Variants in IQCH observed in about 807,000 individuals in gnomAD.
IQCH encodes the protein IQ motif containing H.
Under a neutral mutation model 117.0 loss-of-function variants are expected in IQCH, and 98 were observed. That is an observed-to-expected ratio of 0.84 (90% CI 0.71 to 0.99). IQCH has a LOEUF of 0.99. Ranked by LOEUF, IQCH falls within the 50% of genes least tolerant of loss-of-function variation. The probability of loss-of-function intolerance (pLI) is 0.00; values close to 1 mark genes in which losing one functional copy is unlikely to be tolerated. For missense variants in IQCH, 1,102 were observed against 1,243.8 expected (o/e 0.89, Z 1.72); for synonymous variants, 412 against 448.2 (o/e 0.92, Z 1.02).
At chr15:67,255,952 A>T (rs1446990428) in intron 1 of IQCH, among the ~76,000 whole-genome samples, 1 of 152,170 alleles carries the variant, frequency 6.6e-6, no homozygotes, top group Non-Finnish European at 1.5e-5. Flanking sequence ...GCGAAGTCTG[A>T]GGGAACGGTC....
intron 6 of IQCH, among the ~76,000 whole-genome samples, chr15:67,346,948 C>T (rs1259895888): frequency 1.3e-5 from 2 of 151,892 alleles, no homozygotes; most frequent in Non-Finnish European, 2.9e-5. Context: ...GAGGAAGTCA[C>T]AAGGATATTA....
At chr15:67,330,426 A>G (rs994104212) in intron 4 of IQCH, among the ~76,000 whole-genome samples, 1 of 152,228 alleles carries the variant, frequency 6.6e-6, no homozygotes, top group Non-Finnish European at 1.5e-5. Context: ...AATCCAGTCC[A>G]GTGCTCCAAG....
intron 4 of IQCH, 93 bp from the exon 5 acceptor site, chr15:67,336,882 C>A (rs1968915003): frequency 2.4e-6 from 3 of 1,235,698 alleles, no homozygotes; most frequent in Admixed American, 4.3e-5. Context: ...AAACTTAATG[C>A]AACTATTCAT....
chr15:67,463,000 G>A lies in IQCH; in HGVS notation c.2506-2127G>A, dbSNP rs114796785. Among the ~76,000 whole-genome samples the A allele has an allele frequency of 5.6e-3, 847 of 152,288 alleles. 4 individuals carry two copies. The highest frequency in any genetic ancestry group is 0.02 in the African/African-American group (816 of 41,570). On this transcript the variant is annotated intron_variant, in intron 16 of 20. Coordinates refer to ENST00000335894, the MANE Select transcript of IQCH (RefSeq NM_001031715.3). ...CTATTATAAAAGGGCATTACTGTGC[G>A]AATATGACTCCTGAAATTAGCTTTA...
chr15:67,372,046 G>C (rs764222008), intron 8 of IQCH, 65 bp from the exon 9 acceptor site: 68 of 1,345,132 alleles, frequency 5.1e-5, no homozygotes, highest in Non-Finnish European at 6.6e-5. Context: ...TGTGTGTCTT[G>C]ACCACTCATT....
chr15:67,397,273 C>T (rs1971501791), intron 13 of IQCH, among the ~76,000 whole-genome samples: 2 of 152,146 alleles, frequency 1.3e-5, no homozygotes, highest in African/African-American at 4.8e-5. Context: ...ATTTCAGAAC[C>T]GCATATGTTG....
rs977601445 is a variant in IQCH, at chr15:67,443,518, C to T, written c.2506-21609C>T. On this transcript the variant is annotated intron_variant, in intron 16 of 20. Coordinates refer to ENST00000335894, the MANE Select transcript of IQCH (RefSeq NM_001031715.3). The surrounding 1 kb of genome is among the most constrained non-coding windows in gnomAD (Gnocchi z 5.0). ...GGGTGCAGCAAATTTTCACAAATCA[C>T]CACAAAAGAACTTACTCATGTAACC... is the stretch of plus-strand genomic sequence containing the variant. 2.6e-5 allele frequency among the ~76,000 whole-genome samples: 4 copies of T among 152,070 alleles called. No individual in the cohort carries two copies. Among genetic ancestry groups the T allele is most frequent in the Non-Finnish European group, 5.9e-5 (4 of 68,006 alleles).
chr15:67,467,463 G>GC lies in IQCH; in HGVS notation c.2676+2167dup, dbSNP rs1227168024. On this transcript the variant is annotated intron_variant, in intron 17 of 20. Coordinates refer to ENST00000335894, the MANE Select transcript of IQCH (RefSeq NM_001031715.3). This position sits in a 1 kb window ranked among gnomAD's most constrained non-coding sequence, Gnocchi z 5.7. ...GGAAGTGCATGCACACAAAAGGGAG[G>GC]CATTATGATCTTCAATAAGGCCAAT... Among the ~76,000 whole-genome samples, 1 of 152,184 alleles carries GC rather than the reference G, an allele frequency of 6.6e-6. No individual in the cohort carries two copies. Among genetic ancestry groups the GC allele is most frequent in the Non-Finnish European group, 1.5e-5 (1 of 68,040 alleles).
At chr15:67,260,306 A>G (rs1039411816) in intron 1 of IQCH, among the ~76,000 whole-genome samples, 1 of 152,224 alleles carries the variant, frequency 6.6e-6, no homozygotes, top group Admixed American at 6.5e-5. Flanking sequence ...TTTTATTCTG[A>G]GGGTGCCTGA....
At chr15:67,257,925 A>G (rs529746706) in intron 1 of IQCH, among the ~76,000 whole-genome samples, 24 of 152,342 alleles carry the variant, frequency 1.6e-4, no homozygotes, top group African/African-American at 5.5e-4. Context: ...TCAGGTGCAT[A>G]CAATATAAAA....
At chr15:67,255,668 T>G (rs1360164293) in intron 1 of IQCH, among the ~76,000 whole-genome samples, 1 of 152,254 alleles carries the variant, frequency 6.6e-6, no homozygotes, top group Non-Finnish European at 1.5e-5. Flanking sequence ...TTTGACTAAG[T>G]CTTGAAGTCA....
chr15:67,293,747 T>G (rs756490527), intron 4 of IQCH, among the ~76,000 whole-genome samples: 2 of 152,214 alleles, frequency 1.3e-5, no homozygotes, highest in Non-Finnish European at 2.9e-5. Flanking sequence ...AGGTGACATG[T>G]GAGCACAAAT....
At chr15:67,478,100 A>G (rs538720028) in intron 18 of IQCH, among the ~76,000 whole-genome samples, 1 of 152,220 alleles carries the variant, frequency 6.6e-6, no homozygotes, top group Admixed American at 6.5e-5. Context: ...AAAGGCAGAC[A>G]GAGGCTGGGC....
At position 67,430,504 on chromosome 15, in the gene IQCH, A is replaced by G. The variant is rs985838405; in HGVS notation, c.2505+8927A>G. The G allele has an allele frequency of 9.8e-5, 15 of 152,322 alleles. 1 individual carries two copies. The highest frequency in any genetic ancestry group is 1.7e-4 in the African/African-American group (7 of 41,572). 9.4% of individuals were successfully genotyped at this position (152,322 alleles called of 1,614,324 possible). A position where few individuals can be genotyped will look rare whatever the true frequency, so the allele number is the denominator to read the frequency against. ...ATGCACACAATTGTTTTATACTTGT[A>G]TTGATTCATAGGTATAAATATTGCC... On this transcript the variant is annotated intron_variant, in intron 16 of 20. Transcript: ENST00000335894. The surrounding 1 kb of genome is among the most constrained non-coding windows in gnomAD (Gnocchi z 5.1).
rs139553529 is a variant in IQCH at position 67,395,482 on chromosome 15, C to A, written c.1824C>A (p.Thr608=). ...SEPELAHLYS[T]KSGGKRVFDS... is the part of the protein sequence containing the mutation. ...CTGAACTAGCTCATCTTTATAGTAC[C>A]AAATCTGGAGGCAAACGTGTCTTTG... is the stretch of plus-strand genomic sequence containing the variant. The change falls in exon 13 of 21, where the codon ACC becomes ACA. Residue 608 remains threonine (T), a synonymous_variant. Coordinates refer to ENST00000335894, the MANE Select transcript of IQCH (RefSeq NM_001031715.3). The surrounding 1 kb of genome is among the most constrained non-coding windows in gnomAD (Gnocchi z 4.0). 1.2e-6 allele frequency: 2 copies of A among 1,614,000 alleles called. No individual in the cohort carries two copies. Among genetic ancestry groups the A allele is most frequent in the Admixed American group, 3.3e-5 (2 of 60,000 alleles).
intron 4 of IQCH, among the ~76,000 whole-genome samples, chr15:67,320,970 A>G (rs1466918505): frequency 1.3e-5 from 2 of 152,210 alleles, no homozygotes; most frequent in Non-Finnish European, 2.9e-5. Context: ...GCAGTTAGCA[A>G]TGTTTCCCAA....
Position 67,389,019 on chromosome 15 carries a change from T to C in IQCH, c.1632+13T>C, listed in dbSNP as rs749333095. The C allele has an allele frequency of 5.0e-6, 8 of 1,606,004 alleles. No individual in the cohort carries two copies. The East Asian group carries it at 1.8e-4, about 36-fold the overall frequency. The stretch of plus-strand genomic sequence containing the variant: ...AAACATCTTCCCTGTGAGTTTGTGT[T>C]CTAATTACTATGGTTTCAGGGATGC... On this transcript the variant is annotated intron_variant, in intron 12 of 20. Coordinates refer to ENST00000335894, the MANE Select transcript of IQCH (RefSeq NM_001031715.3).
In IQCH at chr15:67,490,028, T is replaced by C; in HGVS notation, c.2825T>C (p.Leu942Ser). Reference sequence around the variant, plus strand: ...GAAAGGCAAGGAACTGTTTTTATATTATATGAGCACCTGAAGAGACACAAG... The same window carrying C: ...GAAAGGCAAGGAACTGTTTTTATATCATATGAGCACCTGAAGAGACACAAG... ...VEERQGTVFI[L>S]YEHLKRHKLG... The change falls in exon 19 of 21, where the codon TTA (leucine) becomes TCA (serine). Residue 942 changes from leucine to serine, a missense_variant. Around this residue, in one of 2 missense-constraint regions of IQCH, gnomAD observed 650 missense variants for 794.3 expected, o/e 0.82. Coordinates refer to ENST00000335894, the MANE Select transcript of IQCH (RefSeq NM_001031715.3). The surrounding 1 kb of genome is among the most constrained non-coding windows in gnomAD (Gnocchi z 4.9). 6.2e-7 allele frequency: 1 copy of C among 1,611,872 alleles called. No homozygotes were observed.
At position 67,279,461 on chromosome 15, in the gene IQCH, G is replaced by A. The variant is rs752562673; in HGVS notation, c.336G>A (p.Trp112Ter). The A allele has an allele frequency of 6.2e-7, 1 of 1,611,324 alleles. No homozygotes were observed. Among genetic ancestry groups the A allele is most frequent in the South Asian group, 1.1e-5 (1 of 90,728 alleles). Residue 112 changes from tryptophan (W) to a stop codon, truncating the protein, a stop_gained, in exon 4 of 21, where the codon TGG becomes TGA. Coordinates refer to ENST00000335894, the MANE Select transcript of IQCH (RefSeq NM_001031715.3). LOFTEE classifies it high-confidence loss of function. ...IFPQESEGTF[W>*]QPQRQHSSSL... ...CTCAGGAATCTGAGGGTACATTTTG[G>A]CAACCCCAAAGACAGCACAGTTCAT...
Sources: allele counts gnomAD v4.1 joint callset (sites outside exome capture counted in the v4.1 genomes callset), GRCh38; gene constraint gnomAD v4.1.1; regional missense constraint gnomAD v4.1.1; non-coding constraint Gnocchi (gnomAD v3.1); transcripts MANE v1.5; gene names NCBI Gene and HGNC (gene_info 2026-07-23, HGNC 2026-07-21).